The following ERBB4 variants were observed in gnomAD, a reference collection of about 807,000 sequenced individuals.
The protein encoded by ERBB4 is receptor tyrosine-protein kinase erbB-4.
In ERBB4, 42 loss-of-function variants were observed where a neutral mutation model predicts 158.0. The ratio of observed to expected loss-of-function variants is 0.27; its 90% CI spans 0.21 to 0.34. The LOEUF is 0.34. ERBB4 is among the 10% of genes least tolerant of loss of function. ERBB4 has a pLI of 1.00. For synonymous variants in ERBB4, 583 were observed against 558.7 expected, an observed-to-expected ratio of 1.04 and a Z score of -0.61; for missense variants, 1,333 against 1,624.1, an observed-to-expected ratio of 0.82 and a Z score of 3.08.
intron 3 of ERBB4, among the ~76,000 whole-genome samples, chr2:211,851,567 G>T (rs1317043009): frequency 6.6e-6 from 1 of 151,782 alleles, no homozygotes; most frequent in Non-Finnish European, 1.5e-5. Flanking sequence ...CTAAAATATG[G>T]TAACAAACAT....
At chr2:212,058,340 C>A (rs1575579260) in intron 2 of ERBB4, among the ~76,000 whole-genome samples, 1 of 152,178 alleles carries the variant, frequency 6.6e-6, no homozygotes, top group Non-Finnish European at 1.5e-5. Flanking sequence ...GACAGATTCA[C>A]AGCTGAATTC....
Position 211,705,387 on chromosome 2 carries a change from G to C in ERBB4, c.1129C>G (p.Pro377Ala), listed in dbSNP as rs530702994. ...IFLVTGIHGDPYNAIEAIDPE... is the reference protein window; with the variant it reads ...IFLVTGIHGDAYNAIEAIDPE... ...TCTATGGCTTCAATTGCATTGTAAG[G>C]GTCCCTAGAAAATCAAGAAGAGATG... The change falls in exon 10 of 28, where the codon CCT (proline) becomes GCT (alanine). Residue 377 changes from proline (P) to alanine (A), a missense_variant. Around this residue, in one of 5 missense-constraint regions of ERBB4, gnomAD observed 438 missense variants for 586.9 expected, o/e 0.75. Transcript: ENST00000342788. 1 of 1,607,746 alleles carries C rather than the reference G, an allele frequency of 6.2e-7. No homozygotes were observed. The highest frequency in any genetic ancestry group is 1.1e-5 in the South Asian group (1 of 90,904).
intron 5 of ERBB4, among the ~76,000 whole-genome samples, chr2:211,737,809 T>C (rs1396139295): frequency 2.0e-5 from 3 of 152,320 alleles, no homozygotes; most frequent in African/African-American, 7.2e-5. Flanking sequence ...TCTCGCTTTA[T>C]AGCTTGGTAT....
rs1168091798 is a variant in ERBB4 at position 211,905,024 on chromosome 2, C to G, written c.421+42406G>C. ...AATATATGTTGTTCTTTGTATTAGTCTGGCATTGCTGCTGTAAAAAACAGC... is the reference window on the plus strand; with the variant it reads ...AATATATGTTGTTCTTTGTATTAGTGTGGCATTGCTGCTGTAAAAAACAGC... On this transcript the variant is annotated intron_variant, in intron 3 of 27. Coordinates refer to ENST00000342788, the MANE Select transcript of ERBB4 (RefSeq NM_005235.3). Among the ~76,000 whole-genome samples, 4 of 152,134 alleles carry G rather than the reference C, an allele frequency of 2.6e-5. No individual in the cohort carries two copies. The South Asian group carries it at 6.2e-4, about 24-fold the overall frequency.
chr2:212,325,968 T>C (rs2087809804), intron 1 of ERBB4, among the ~76,000 whole-genome samples: 1 of 150,616 alleles, frequency 6.6e-6, no homozygotes. Context: ...CAATTCAGAG[T>C]TCTGCCTGTA....
intron 25 of ERBB4, among the ~76,000 whole-genome samples, chr2:211,419,958 T>C (rs1014899882): frequency 6.6e-6 from 1 of 152,068 alleles, no homozygotes; most frequent in Non-Finnish European, 1.5e-5. Context: ...TTCAAAGGAC[T>C]GCACGGTTTT....
chr2:211,673,742 T>C (rs1239741122), intron 13 of ERBB4, among the ~76,000 whole-genome samples: 4 of 152,128 alleles, frequency 2.6e-5, no homozygotes, highest in African/African-American at 7.2e-5. Flanking sequence ...AATTTATTTT[T>C]GGTGAAATTT....
intron 1 of ERBB4, among the ~76,000 whole-genome samples, chr2:212,356,254 C>T (rs1298214859): frequency 1.3e-5 from 2 of 151,968 alleles, no homozygotes; most frequent in East Asian, 1.9e-4. Flanking sequence ...TACTGATCCT[C>T]ACACAACTAC....
chr2:212,111,611 A>G (rs2079408292), intron 2 of ERBB4, among the ~76,000 whole-genome samples: 1 of 148,850 alleles, frequency 6.7e-6, no homozygotes, highest in African/African-American at 2.5e-5. Context: ...CACCTAGAAT[A>G]CCTTCTCCTT....
intron 23 of ERBB4, among the ~76,000 whole-genome samples, chr2:211,423,150 T>C (rs977232149): frequency 5.3e-5 from 8 of 151,998 alleles, no homozygotes; most frequent in African/African-American, 1.4e-4. Context: ...TCTGAAACTA[T>C]TGAAGCCAAA....
At chr2:212,462,845 A>C (rs983149059) in intron 1 of ERBB4, among the ~76,000 whole-genome samples, 6 of 152,196 alleles carry the variant, frequency 3.9e-5, no homozygotes, top group Non-Finnish European at 5.9e-5. Flanking sequence ...AAGATGTGGA[A>C]TCAAACTAAG....
chr2:212,249,591 T>C (rs543837214), intron 1 of ERBB4, among the ~76,000 whole-genome samples: 5 of 151,936 alleles, frequency 3.3e-5, no homozygotes, highest in African/African-American at 1.2e-4. Flanking sequence ...AAAAACACCA[T>C]AGAATTAAAA....
At chr2:211,743,436 T>C (rs1299926740) in intron 5 of ERBB4, among the ~76,000 whole-genome samples, 1 of 152,182 alleles carries the variant, frequency 6.6e-6, no homozygotes, top group East Asian at 1.9e-4. Flanking sequence ...AATGGGAGAC[T>C]GGAGAGAGCT....
intron 1 of ERBB4, among the ~76,000 whole-genome samples, chr2:212,207,850 A>G (rs2082812961): frequency 6.6e-6 from 1 of 152,148 alleles, no homozygotes; most frequent in South Asian, 2.1e-4. Context: ...TTTTTATTAT[A>G]TAATTAAGTA....
At chr2:211,871,553 G>T (rs1307977630) in intron 3 of ERBB4, among the ~76,000 whole-genome samples, 2 of 149,416 alleles carry the variant, frequency 1.3e-5, no homozygotes, top group African/African-American at 4.9e-5. Context: ...AGACTTTATT[G>T]TGGGACATTT....
chr2:212,019,330 CAT>C (rs1374202102), intron 2 of ERBB4, among the ~76,000 whole-genome samples: 1 of 152,008 alleles, frequency 6.6e-6, no homozygotes, highest in Non-Finnish European at 1.5e-5. Context: ...CTTATTTTTC[CAT>C]ATGTGTTTGC....
intron 1 of ERBB4, among the ~76,000 whole-genome samples, chr2:212,369,015 G>T (rs4511675): frequency 0.39 from 58,915 of 151,882 alleles, 12,636 homozygotes; most frequent in African/African-American, 0.59. Context: ...ACTATCCCCA[G>T]TGCACATTTG....
intron 1 of ERBB4, among the ~76,000 whole-genome samples, chr2:212,261,251 T>C (rs1336033827): frequency 1.3e-5 from 2 of 152,186 alleles, no homozygotes; most frequent in Non-Finnish European, 2.9e-5. Flanking sequence ...ATATATTTGA[T>C]TATATACAGG....
chr2:212,061,725 C>CA (rs2077774472), intron 2 of ERBB4, among the ~76,000 whole-genome samples: 1 of 149,470 alleles, frequency 6.7e-6, no homozygotes, highest in Non-Finnish European at 1.5e-5. Flanking sequence ...CTTTCTTTTC[C>CA]TTTTTTCTTT....
Sources: gnomAD v4.1 joint callset for allele counts (sites outside exome capture counted in the v4.1 genomes callset) on GRCh38, gnomAD v4.1.1 for gene constraint, gnomAD v4.1.1 regional missense constraint, MANE v1.5 for transcripts, NCBI Gene and HGNC (gene_info 2026-07-23, HGNC 2026-07-21) for gene names.